The following KIF27 variants were observed in gnomAD, a reference collection of about 807,000 sequenced individuals.
KIF27 encodes the protein kinesin family member 27, also known as kinesin-like protein KIF27.
In KIF27, 84 loss-of-function variants were observed where a neutral mutation model predicts 141.8. The ratio of observed to expected loss-of-function variants is 0.59; its 90% confidence interval spans 0.50 to 0.71. The LOEUF (loss-of-function observed/expected upper bound fraction) is 0.71, where lower values mean the gene tolerates loss of function less well. KIF27 is among the 30% of genes least tolerant of loss of function. KIF27 has a pLI of 0.00. For missense variants in KIF27, 1,306 were observed against 1,628.4 expected, an observed-to-expected ratio of 0.80 and a Z score of 3.41; for synonymous variants, 471 against 569.5, an observed-to-expected ratio of 0.83 and a Z score of 2.46.
At chr9:83,884,042 T>G (rs764807412) in intron 9 of KIF27, 24 bp from the exon 10 acceptor site, 62 of 1,427,934 alleles carry the variant, frequency 4.3e-5, no homozygotes, top group Admixed American at 1.1e-4. Context: ...ATAATTATTA[T>G]TAGTATAAAT....
chr9:83,841,663 AAT>A (rs1946582046), intron 17 of KIF27, among the ~76,000 whole-genome samples: 1 of 152,188 alleles, frequency 6.6e-6, no homozygotes, highest in Admixed American at 6.5e-5. Context: ...GGTATATTTT[AAT>A]CATAGGAATA....
chr9:83,867,104 A>G (rs1318206826), intron 13 of KIF27, among the ~76,000 whole-genome samples: 1 of 152,074 alleles, frequency 6.6e-6, no homozygotes, highest in East Asian at 1.9e-4. Flanking sequence ...GGTATTATAC[A>G]AAGGTGGTCT....
intron 15 of KIF27, 34 bp from the exon 16 acceptor site, chr9:83,850,331 T>A: frequency 7.6e-7 from 1 of 1,311,142 alleles, no homozygotes; most frequent in South Asian, 1.2e-5. Context: ...GTTAAGTGTG[T>A]CTTAGATAAG....
In KIF27 at chr9:83,915,293, C is replaced by A. The variant is rs769862987; in HGVS notation, c.298+1G>T. 2 of 1,583,072 alleles carry A rather than the reference C, an allele frequency of 1.3e-6. 1 individual carries two copies. Among genetic ancestry groups the A allele is most frequent in the South Asian group, 2.3e-5 (2 of 86,098 alleles). Reference sequence around the variant, plus strand: ...AAAGTCAAAGAGTATAAGAATCTTACCAATATGGCCCCCTCCAATGGTGTA... The same window carrying A: ...AAAGTCAAAGAGTATAAGAATCTTAACAATATGGCCCCCTCCAATGGTGTA... On this transcript the variant is annotated splice_donor_variant, in intron 2 of 17. Coordinates refer to ENST00000297814, the MANE Select transcript of KIF27 (RefSeq NM_017576.4). LOFTEE classifies it high-confidence loss of function.
intron 13 of KIF27, among the ~76,000 whole-genome samples, chr9:83,866,650 G>T (rs1950375128): frequency 6.6e-6 from 1 of 152,072 alleles, no homozygotes; most frequent in African/African-American, 2.4e-5. Flanking sequence ...GGCCAAGATG[G>T]GCGGATCACA....
At chr9:83,853,912 G>A (rs2131747191) in intron 14 of KIF27, 77 bp from the exon 15 acceptor site, 1 of 1,094,416 alleles carries the variant, frequency 9.1e-7, no homozygotes, top group Non-Finnish European at 1.4e-6. Context: ...ATCCTCCTAA[G>A]CTATTTGAGT....
intron 16 of KIF27, among the ~76,000 whole-genome samples, chr9:83,848,215 A>ATATC (rs1564286060): frequency 1.6e-4 from 10 of 60,894 alleles, no homozygotes; most frequent in African/African-American, 6.7e-4. Context: ...TATGATATAT[A>ATATC]TGATATATCA....
chr9:83,914,785 T>C (rs1955528191), intron 2 of KIF27, among the ~76,000 whole-genome samples: 1 of 152,192 alleles, frequency 6.6e-6, no homozygotes, highest in Non-Finnish European at 1.5e-5. Flanking sequence ...CAGCTCTATA[T>C]GAGATCCTAT....
At chr9:83,875,114 T>C (rs1951108136) in intron 11 of KIF27, among the ~76,000 whole-genome samples, 2 of 151,686 alleles carry the variant, frequency 1.3e-5, no homozygotes, top group Admixed American at 1.3e-4. Context: ...GATGAGGAGT[T>C]AAAACCCAAA....
intron 5 of KIF27, among the ~76,000 whole-genome samples, chr9:83,894,060 C>T (rs1174576328): frequency 1.3e-5 from 2 of 152,046 alleles, no homozygotes; most frequent in Admixed American, 1.3e-4. Context: ...GAAAAATAAA[C>T]CTTATCAAAA....
chr9:83,838,256 C>T (rs562975298), intron 17 of KIF27, among the ~76,000 whole-genome samples: 11 of 150,600 alleles, frequency 7.3e-5, no homozygotes, highest in South Asian at 2.1e-4. Context: ...TTTTTTGAGA[C>T]GGAGTCTCGC....
chr9:83,855,337 A>C (rs1348775483), intron 14 of KIF27, among the ~76,000 whole-genome samples: 3 of 152,188 alleles, frequency 2.0e-5, no homozygotes, highest in Non-Finnish European at 4.4e-5. Context: ...TGCCTGGCCA[A>C]TAGTGTGAAT....
intron 5 of KIF27, among the ~76,000 whole-genome samples, chr9:83,893,209 C>G (rs1588204136): frequency 2.0e-5 from 3 of 152,106 alleles, no homozygotes; most frequent in African/African-American, 7.2e-5. Context: ...TGTGCCCCAG[C>G]CTGGGTGACA....
chr9:83,906,874 T>C (rs1384167626), intron 3 of KIF27, among the ~76,000 whole-genome samples: 3 of 151,612 alleles, frequency 2.0e-5, no homozygotes, highest in Non-Finnish European at 4.4e-5. Flanking sequence ...CAAATTACCA[T>C]ATAAACATGA....
chr9:83,871,322 T>C (rs576920692), intron 11 of KIF27, among the ~76,000 whole-genome samples: 1 of 152,314 alleles, frequency 6.6e-6, no homozygotes, highest in Non-Finnish European at 1.5e-5. Context: ...ATAATTAGCA[T>C]ATCTAAGAAG....
At chr9:83,918,975 C>G (rs1351498544) in intron 1 of KIF27, among the ~76,000 whole-genome samples, 2 of 152,078 alleles carry the variant, frequency 1.3e-5, no homozygotes, top group African/African-American at 4.8e-5. Flanking sequence ...ACTAGGGAAG[C>G]TGAGGCAGGA....
rs1473827528 is a variant in KIF27 at position 83,834,600 on chromosome 9, TTTC to T, written c.*2398_*2400del. 6.6e-6 allele frequency among the ~76,000 whole-genome samples: 1 copy of T among 152,012 alleles called. No homozygotes were observed. The highest frequency in any genetic ancestry group is 1.5e-5 in the Non-Finnish European group (1 of 67,918). On this transcript the variant is annotated 3_prime_UTR_variant, in exon 18 of 18. Transcript: ENST00000297814. ...CACAGGTAAAACAAGTATGTGTTAATTTCTTGAGCAAGTAGGATTCCAGTATCA... is the reference window on the plus strand; with the variant it reads ...CACAGGTAAAACAAGTATGTGTTAATTTGAGCAAGTAGGATTCCAGTATCA...
chr9:83,884,001 CA>C lies in KIF27; in HGVS notation c.2256del (p.Val753Ter), dbSNP rs763674228. 5.0e-6 allele frequency: 8 copies of C among 1,608,892 alleles called. No individual in the cohort carries two copies. The African/African-American group carries it at 1.1e-4, about 22-fold the overall frequency. On this transcript the variant is annotated frameshift_variant, in exon 10 of 18. Transcript: ENST00000297814. LOFTEE classifies it high-confidence loss of function. The stretch of plus-strand genomic sequence containing the variant: ...ACTTTCAAAGAATACTGCTTGCTTA[CA>C]GACTTGGCATCATTACCTTAACCGT... ...ELIKTGNDAK[S>X]VSKQYSLKVT... is the part of the protein sequence containing the mutation.
At chr9:83,867,078 G>T (rs1255888647) in intron 13 of KIF27, among the ~76,000 whole-genome samples, 2 of 151,610 alleles carry the variant, frequency 1.3e-5, no homozygotes. Context: ...GCCCATTCTG[G>T]AGACTTGATA....
Sources: allele counts gnomAD v4.1 joint callset (sites outside exome capture counted in the v4.1 genomes callset), GRCh38; gene constraint gnomAD v4.1.1; transcripts MANE v1.5; gene names NCBI Gene and HGNC (gene_info 2026-07-23, HGNC 2026-07-21).